The following DOK7 variants were observed in gnomAD, a reference collection of about 807,000 sequenced individuals.
DOK7 encodes protein Dok-7.
Under a neutral mutation model 30.7 loss-of-function variants are expected in DOK7, and 32 were observed. The observed-to-expected ratio is 1.04, with a 90% CI of 0.79 to 1.40. The LOEUF (loss-of-function observed/expected upper bound fraction) is 1.40, where lower values mean the gene tolerates loss of function less well. DOK7 is among the 40% of genes most tolerant of loss of function. DOK7 has a pLI of 0.00. For missense variants in DOK7, 1,007 were observed against 699.2 expected (o/e 1.44, Z -4.97); for synonymous variants, 447 against 324.1 (o/e 1.38, Z -4.07).
At chr4:3,495,283 G>C (rs13116668), downstream of DOK7, among the ~76,000 whole-genome samples, 19,291 of 152,254 alleles carry the variant, frequency 0.13, 1,336 homozygotes, top group African/African-American at 0.15. Context: ...GGACGAGTGA[G>C]GCTGTGGCTC....
chr4:3,491,714 C>T (rs1424582438), intron 6 of DOK7, among the ~76,000 whole-genome samples: 2 of 152,236 alleles, frequency 1.3e-5, no homozygotes, highest in African/African-American at 4.8e-5. Context: ...ACCTTCTGTG[C>T]CCAGACAAAA....
At chr4:3,492,549 C>T (rs1009789651) in intron 6 of DOK7, among the ~76,000 whole-genome samples, 1 of 151,972 alleles carries the variant, frequency 6.6e-6, no homozygotes, top group South Asian at 2.1e-4. Flanking sequence ...GGCAGAAGGA[C>T]AGGAACGGAC....
At chr4:3,482,074 C>G (rs1727471438) in intron 4 of DOK7, among the ~76,000 whole-genome samples, 1 of 152,172 alleles carries the variant, frequency 6.6e-6, no homozygotes, top group Non-Finnish European at 1.5e-5. Context: ...CCTCACGCCT[C>G]CTATCCCCCA....
chr4:3,501,109 T>C (rs940103643), exon 8 of DOK7: 11 of 490,332 alleles, frequency 2.2e-5, no homozygotes, highest in East Asian at 2.1e-4. Context: ...GCAGCTCTGG[T>C]AGCTGCTGTG....
chr4:3,476,151 TGACCGTGATGCCCTCTCGCCCC>T (rs1727042925), intron 3 of DOK7, among the ~76,000 whole-genome samples, 169 bp from the exon 4 acceptor site: 1 of 88,246 alleles, frequency 1.1e-5, no homozygotes. Context: ...TCGCCCCGCC[TGACCGTGATGCCCTCTCGCCCC>T]GCCCACCCTC....
At position 3,493,362 on chromosome 4, in the gene DOK7, C is replaced by A; in HGVS notation, c.1376C>A (p.Pro459His). The A allele has an allele frequency of 1.3e-6, 2 of 1,598,014 alleles. No homozygotes were observed. The highest frequency in any genetic ancestry group is 2.2e-5 in the South Asian group (2 of 89,454). The stretch of plus-strand genomic sequence containing the variant: ...CGGCGGGGCCTGGTGATGGAGGCCC[C>A]CCAGGGCAGCGAGGCCACACTGCCT... The part of the protein sequence containing the change: ...TRRRGLVMEA[P>H]QGSEATLPGP... Residue 459 changes from proline (P) to histidine (H), a missense_variant, in exon 7 of 7, where the codon CCC (proline) becomes CAC (histidine). Coordinates refer to ENST00000340083, the MANE Select transcript of DOK7 (RefSeq NM_173660.5).
At chr4:3,470,784 A>G (rs1303872732) in intron 2 of DOK7, among the ~76,000 whole-genome samples, 1 of 152,252 alleles carries the variant, frequency 6.6e-6, no homozygotes, top group East Asian at 1.9e-4. Context: ...CAATCAAGCC[A>G]AAAGGGTGAC....
intron 4 of DOK7, among the ~76,000 whole-genome samples, chr4:3,477,518 C>G (rs111324913): frequency 1.3e-5 from 2 of 152,286 alleles, no homozygotes; most frequent in Non-Finnish European, 2.9e-5. Context: ...GTGCCACGTT[C>G]TGCCACCTTC....
chr4:3,498,882 G>C (rs1287105607), downstream of DOK7, among the ~76,000 whole-genome samples: 1 of 152,246 alleles, frequency 6.6e-6, no homozygotes. Flanking sequence ...GGTTGCTTTA[G>C]TTCATGGAAT....
At chr4:3,489,419 C>T (rs560643379) in intron 5 of DOK7, among the ~76,000 whole-genome samples, 2 of 152,248 alleles carry the variant, frequency 1.3e-5, no homozygotes, top group East Asian at 1.9e-4. Context: ...GGCGTGGGGT[C>T]CTGGTGAGTG....
At chr4:3,463,579 G>C in intron 2 of DOK7, 28 bp downstream of exon 2, 1 of 1,514,566 alleles carries the variant, frequency 6.6e-7, no homozygotes, top group Non-Finnish European at 8.8e-7. Flanking sequence ...GGGACGGGGG[G>C]CGCGGGGGTA....
intron 6 of DOK7, among the ~76,000 whole-genome samples, chr4:3,499,523 G>C (rs1214860455): frequency 6.6e-6 from 1 of 152,140 alleles, no homozygotes; most frequent in Non-Finnish European, 1.5e-5. Flanking sequence ...ACCCCCTAAG[G>C]TGGGAGCCTG....
At chr4:3,489,986 C>T (rs1022461111) in intron 6 of DOK7, among the ~76,000 whole-genome samples, 190 bp downstream of exon 6, 3 of 146,442 alleles carry the variant, frequency 2.0e-5, no homozygotes, top group Non-Finnish European at 3.0e-5. Context: ...CTTCCTTCCC[C>T]ACCACCCTGC....
intron 5 of DOK7, 71 bp downstream of exon 5, chr4:3,485,729 C>T (rs1727738880): frequency 1.4e-6 from 2 of 1,408,978 alleles, no homozygotes; most frequent in Non-Finnish European, 1.9e-6. Flanking sequence ...GGGCGGGGGG[C>T]CACAGTGATT....
chr4:3,492,934 G>C lies in DOK7; in HGVS notation c.948G>C (p.Arg316Ser), dbSNP rs781669451. 4 of 1,557,550 alleles carry C rather than the reference G, an allele frequency of 2.6e-6. No individual in the cohort carries two copies. Among genetic ancestry groups the C allele is most frequent in the Non-Finnish European group, 3.5e-6 (4 of 1,154,808 alleles). ...AAGEAMVGAS[R>S]PPPKPLRPRQ... ...GGGAAGCCATGGTGGGTGCCTCAAG[G>C]CCACCCCCCAAGCCGCTGCGTCCGC... The change falls in exon 7 of 7, where the codon AGG becomes AGC. Residue 316 changes from arginine (R) to serine (S), a missense_variant. Arg to Ser is a moderately radical substitution (Grantham distance 110). Coordinates refer to ENST00000340083, the MANE Select transcript of DOK7 (RefSeq NM_173660.5).
downstream of DOK7, among the ~76,000 whole-genome samples, chr4:3,498,733 T>C (rs1729044966): frequency 6.6e-6 from 1 of 152,228 alleles, no homozygotes; most frequent in Admixed American, 6.5e-5. Context: ...CACCAGAACT[T>C]GGCCGCTATG....
chr4:3,485,412 G>A (rs1055152146), intron 4 of DOK7, 127 bp from the exon 5 acceptor site: 5 of 1,287,622 alleles, frequency 3.9e-6, no homozygotes, highest in African/African-American at 1.5e-5. Context: ...ATCTGACTTC[G>A]TGGGGCCAGG....
At chr4:3,487,042 G>C (rs1254677089) in intron 5 of DOK7, among the ~76,000 whole-genome samples, 1 of 152,118 alleles carries the variant, frequency 6.6e-6, no homozygotes, top group Non-Finnish European at 1.5e-5. Context: ...GCCAGCCCCA[G>C]GCGGGGCCAT....
At chr4:3,470,722 G>A (rs1454943327) in intron 2 of DOK7, among the ~76,000 whole-genome samples, 1 of 152,170 alleles carries the variant, frequency 6.6e-6, no homozygotes, top group Admixed American at 6.5e-5. Context: ...ATTCCCACAC[G>A]TGTCATCTGT....
Sources: allele counts gnomAD v4.1 joint callset (sites outside exome capture counted in the v4.1 genomes callset), GRCh38; gene constraint gnomAD v4.1.1; transcripts MANE v1.5; gene names NCBI Gene and HGNC (gene_info 2026-07-23, HGNC 2026-07-21).